TRPM5: variants seen among roughly 807,000 people sequenced by gnomAD.
TRPM5 encodes the protein transient receptor potential cation channel subfamily M member 5.
Under a neutral mutation model 124.9 loss-of-function variants are expected in TRPM5, and 121 were observed. That is an observed-to-expected ratio of 0.97 (90% CI 0.84 to 1.13). The LOEUF (loss-of-function observed/expected upper bound fraction) is 1.13. Ranked by LOEUF, TRPM5 falls within the 50% of genes most tolerant of loss-of-function variation. The pLI is 0.00. For synonymous variants in TRPM5, 781 were observed against 700.5 expected (o/e 1.11, Z -1.81); for missense variants, 1,643 against 1,589.1 (o/e 1.03, Z -0.58).
chr11:2,421,107 G>A, exon 3 of TRPM5: 1 of 1,547,632 alleles, frequency 6.5e-7, no homozygotes, highest in Non-Finnish European at 8.7e-7. Flanking sequence ...CACGGACCTT[G>A]GTGGACGTGC....
chr11:2,440,507 C>T, the TRPM5 span, among the ~76,000 whole-genome samples: 1 of 152,132 alleles, frequency 6.6e-6, no homozygotes, highest in African/African-American at 2.4e-5. The surrounding 1 kb of genome is among the most constrained non-coding windows in gnomAD (Gnocchi z 5.2). Flanking sequence ...GCATTGGGTG[C>T]CTCCTGCATG....
chr11:2,414,233 G>A (rs1200233626), intron 11 of TRPM5, 27 bp from the exon 17 acceptor site: 1 of 1,597,170 alleles, frequency 6.3e-7, no homozygotes, highest in Admixed American at 1.7e-5. Context: ...TGGCCGCTAG[G>A]ACGAGACGCC....
upstream of TRPM5, among the ~76,000 whole-genome samples, chr11:2,426,716 T>C (rs1845843304): frequency 6.6e-6 from 1 of 152,066 alleles, no homozygotes; most frequent in South Asian, 2.1e-4. Context: ...TTTGGGCAGG[T>C]CCCTCAGCCT....
At chr11:2,430,963 T>C in the TRPM5 span, among the ~76,000 whole-genome samples, 2 of 152,132 alleles carry the variant, frequency 1.3e-5, no homozygotes, top group East Asian at 3.9e-4. Flanking sequence ...ATGTTTATGG[T>C]AGTGATGACA....
exon 15 of TRPM5, chr11:2,412,912 T>C (rs1244091463): frequency 2.5e-6 from 4 of 1,597,952 alleles, no homozygotes; most frequent in Non-Finnish European, 3.4e-6. Context: ...AGGAACACAG[T>C]CACGGGAGCG....
chr11:2,406,278 C>T (rs773603106), intron 21 of TRPM5, among the ~76,000 whole-genome samples, 187 bp from the exon 27 acceptor site: 4 of 152,124 alleles, frequency 2.6e-5, no homozygotes, highest in South Asian at 4.1e-4. Context: ...CAGTACAGAG[C>T]GCTCTATGCC....
intron 21 of TRPM5, 137 bp downstream of exon 26, chr11:2,406,524 C>T (rs1646233840): frequency 1.6e-6 from 2 of 1,238,392 alleles, no homozygotes; most frequent in African/African-American, 1.5e-5. Context: ...AGCTAGGCCC[C>T]TGGGCTCGGC....
At chr11:2,405,715 G>A (rs1055925811) in intron 22 of TRPM5, 122 bp from the exon 28 acceptor site, 3 of 1,107,092 alleles carry the variant, frequency 2.7e-6, no homozygotes, top group Non-Finnish European at 2.6e-6. Context: ...CTCCCTCTGA[G>A]AGCTGCCGCT....
At chr11:2,432,500 C>A in the TRPM5 span, among the ~76,000 whole-genome samples, 1 of 152,204 alleles carries the variant, frequency 6.6e-6, no homozygotes, top group African/African-American at 2.4e-5. Context: ...CGAGGCTGGG[C>A]CCACAGGCTC....
the TRPM5 span, among the ~76,000 whole-genome samples, chr11:2,436,770 T>G: frequency 1.3e-5 from 2 of 152,198 alleles, no homozygotes; most frequent in African/African-American, 4.8e-5. Context: ...GGAAGTGATT[T>G]CCGCCAGATG....
the TRPM5 span, among the ~76,000 whole-genome samples, chr11:2,432,149 G>A: frequency 6.6e-6 from 1 of 152,224 alleles, no homozygotes; most frequent in Non-Finnish European, 1.5e-5. Flanking sequence ...CTCTAGCCAT[G>A]GGCACTGCTG....
chr11:2,436,558 G>T, the TRPM5 span, among the ~76,000 whole-genome samples: 1 of 152,358 alleles, frequency 6.6e-6, no homozygotes, highest in Non-Finnish European at 1.5e-5. Context: ...GCTGCCCTGG[G>T]CAGGGGCCCC....
chr11:2,417,067 G>A (rs762473688), intron 7 of TRPM5, among the ~76,000 whole-genome samples: 26 of 152,186 alleles, frequency 1.7e-4, no homozygotes, highest in Non-Finnish European at 3.2e-4. Flanking sequence ...AATGGGGAGT[G>A]AGTGCCAAGG....
At chr11:2,410,238 T>C (rs1850417731) in intron 18 of TRPM5, among the ~76,000 whole-genome samples, 1 of 151,714 alleles carries the variant, frequency 6.6e-6, no homozygotes, top group Non-Finnish European at 1.5e-5. Flanking sequence ...GGAGAGGCGG[T>C]TTCCATCACG....
rs1043190708 is a variant in TRPM5 at position 2,412,676 on chromosome 11, G to A, written c.2355+78C>T. 4.2e-5 allele frequency: 60 copies of A among 1,434,406 alleles called. 1 individual carries two copies. In the South Asian group the frequency reaches 8.8e-4, roughly 21 times the overall value. The allele number at this position is 1,434,406 out of a possible 1,614,324, so 88.9% of individuals were successfully genotyped here. On this transcript the variant is annotated intron_variant, in intron 15 of 23. Transcript: ENST00000155858. ...TTTTACAGTTGGGGAGCCCCACCCTGCGAGGGCAGGACCCAGCTTAGGTTG... is the reference window on the plus strand; with the variant it reads ...TTTTACAGTTGGGGAGCCCCACCCTACGAGGGCAGGACCCAGCTTAGGTTG...
chr11:2,420,991 C>G, intron 3 of TRPM5, 41 bp downstream of exon 8: 1 of 1,508,518 alleles, frequency 6.6e-7, no homozygotes. Context: ...CCCCTGCCTC[C>G]AGGCCCCCAG....
At chr11:2,418,645 C>G in intron 4 of TRPM5, 54 bp from the exon 10 acceptor site, 2 of 1,551,392 alleles carry the variant, frequency 1.3e-6, no homozygotes, top group Non-Finnish European at 8.8e-7. Context: ...GGTGACCACC[C>G]GGATCTCAGG....
intron 10 of TRPM5, 23 bp from the exon 16 acceptor site, chr11:2,414,861 G>T: frequency 6.3e-7 from 1 of 1,589,640 alleles, no homozygotes; most frequent in Non-Finnish European, 8.6e-7. Context: ...GTCTCAGGAG[G>T]CCGCCCCTCC....
At chr11:2,430,818 ATGGTGTTGATGGTGG>A in the TRPM5 span, among the ~76,000 whole-genome samples, 7 of 112,306 alleles carry the variant, frequency 6.2e-5, no homozygotes, top group Non-Finnish European at 9.8e-5. Flanking sequence ...GGTGATGGTG[ATGGTGTTGATGGTGG>A]TGGTGGTTTT....
Sources: allele counts gnomAD v4.1 joint callset (sites outside exome capture counted in the v4.1 genomes callset), GRCh38; gene constraint gnomAD v4.1.1; non-coding constraint Gnocchi (gnomAD v3.1); transcripts MANE v1.5; gene names NCBI Gene and HGNC (gene_info 2026-07-23, HGNC 2026-07-21).